ABCC4: variants seen among roughly 807,000 people sequenced by gnomAD.
ABCC4 encodes the protein ATP binding cassette subfamily C member 4 (PEL blood group).
In ABCC4, 102 loss-of-function variants were observed where a neutral mutation model predicts 168.5. The observed-to-expected ratio is 0.61, with a 90% confidence interval of 0.52 to 0.71. The LOEUF is 0.71. Among genes scored for constraint, ABCC4 ranks in the 30% least tolerant of loss-of-function variants. The pLI, the probability that ABCC4 is intolerant of heterozygous loss-of-function variation, is 0.00. For missense variants in ABCC4, 1,402 were observed against 1,605.8 expected, an observed-to-expected ratio of 0.87 and a Z score of 2.17; for synonymous variants, 617 against 590.7, an observed-to-expected ratio of 1.04 and a Z score of -0.65.
At chr13:95,167,952 C>T (rs1452979993) in intron 14 of ABCC4, among the ~76,000 whole-genome samples, 5 of 152,124 alleles carry the variant, frequency 3.3e-5, no homozygotes, top group Admixed American at 6.5e-5. Context: ...CTGCAACCTT[C>T]GCCTCCCAGG....
intron 20 of ABCC4, among the ~76,000 whole-genome samples, chr13:95,103,560 A>G (rs1240826551): frequency 6.6e-6 from 1 of 152,184 alleles, no homozygotes; most frequent in Non-Finnish European, 1.5e-5. Context: ...CAGCCTTGTG[A>G]ATGACACATG....
intron 1 of ABCC4, among the ~76,000 whole-genome samples, chr13:95,266,894 T>TC (rs1471833550): frequency 4.6e-5 from 7 of 150,908 alleles, no homozygotes; most frequent in Non-Finnish European, 8.9e-5. Context: ...TTTTTTTTTT[T>TC]TGAGACGGAG....
chr13:95,280,847 A>G (rs1366004673), intron 1 of ABCC4, among the ~76,000 whole-genome samples: 6 of 152,124 alleles, frequency 3.9e-5, no homozygotes, highest in Admixed American at 3.9e-4. Context: ...TCCACTCGAG[A>G]GAGACAGCAA....
chr13:95,149,709 T>C lies in ABCC4; in HGVS notation c.2455+11480A>G, dbSNP rs1302414548. 3.9e-5 allele frequency among the ~76,000 whole-genome samples: 6 copies of C among 152,182 alleles called. No individual in the cohort carries two copies. The East Asian group carries it at 1.2e-3, about 29-fold the overall frequency. On this transcript the variant is annotated intron_variant, in intron 19 of 30. Transcript: ENST00000645237. Reference sequence around the variant, plus strand: ...TGGAATTGTATGTGGAGAAAATATATTTAAGGGTAAATCTGCTTCAACTAT... The same window carrying C: ...TGGAATTGTATGTGGAGAAAATATACTTAAGGGTAAATCTGCTTCAACTAT...
At chr13:95,204,265 A>G (rs556963898) in intron 8 of ABCC4, among the ~76,000 whole-genome samples, 1 of 152,316 alleles carries the variant, frequency 6.6e-6, no homozygotes, top group East Asian at 1.9e-4. Context: ...TTGGAATACA[A>G]CTAGATGAGT....
In ABCC4 at chr13:95,030,745, C is replaced by A. The variant is rs183252788; in HGVS notation, c.3870+3860G>T. Among the ~76,000 whole-genome samples, 4 of 152,312 alleles carry A rather than the reference C, an allele frequency of 2.6e-5. No individual in the cohort carries two copies. The East Asian group carries it at 7.7e-4, about 29-fold the overall frequency. ...TCTGCTGACACCCTGATCTCAGACT[C>A]CAGCACGGAAGTGTGAGAACATAAT... On this transcript the variant is annotated intron_variant, in intron 30 of 30. Coordinates refer to ENST00000645237, the MANE Select transcript of ABCC4 (RefSeq NM_005845.5).
intron 14 of ABCC4, 76 bp downstream of exon 14, chr13:95,170,456 T>C: frequency 4.9e-6 from 4 of 818,874 alleles, no homozygotes; most frequent in South Asian, 1.8e-5. Context: ...GAAAGGAACA[T>C]GAAATGGAGG....
chr13:95,146,168 G>A (rs1379413838), intron 19 of ABCC4, among the ~76,000 whole-genome samples: 1 of 147,166 alleles, frequency 6.8e-6, no homozygotes, highest in Non-Finnish European at 1.5e-5. Context: ...CCAAGATTGC[G>A]CCACTGCACT....
chr13:95,163,555 C>G, intron 17 of ABCC4, 55 bp downstream of exon 17: 1 of 1,468,172 alleles, frequency 6.8e-7, no homozygotes, highest in East Asian at 2.3e-5. Context: ...TATGGAAAAG[C>G]GAGTCTTCTT....
chr13:95,102,649 A>C (rs570736975), intron 20 of ABCC4, among the ~76,000 whole-genome samples: 46 of 139,174 alleles, frequency 3.3e-4, no homozygotes, highest in African/African-American at 1.2e-3. Flanking sequence ...TTTTTTTTAG[A>C]TCGAGTCTCG....
intron 14 of ABCC4, among the ~76,000 whole-genome samples, chr13:95,167,182 A>ATAAATAAG (rs2037305873): frequency 2.8e-5 from 3 of 106,836 alleles, no homozygotes; most frequent in African/African-American, 6.4e-5. Flanking sequence ...CATCTCATAA[A>ATAAATAAG]TAAATAAATA....
chr13:95,167,327 ATATCTTTAC>A (rs1370030528), intron 14 of ABCC4, among the ~76,000 whole-genome samples: 1 of 152,210 alleles, frequency 6.6e-6, no homozygotes, highest in African/African-American at 2.4e-5. Flanking sequence ...TAATGTACAA[ATATCTTTAC>A]TATTTGTGTA....
intron 20 of ABCC4, among the ~76,000 whole-genome samples, chr13:95,090,121 C>A (rs2034384193): frequency 6.6e-6 from 1 of 152,094 alleles, no homozygotes; most frequent in South Asian, 2.1e-4. Flanking sequence ...CAAGACCCAC[C>A]CAAGGAGAGT....
intron 26 of ABCC4, chr13:95,054,013 G>A (rs1427972721): frequency 2.3e-5 from 2 of 85,972 alleles, no homozygotes; most frequent in African/African-American, 9.7e-5. Flanking sequence ...ATGTCAGAAT[G>A]GGACATCCTT....
chr13:95,301,417 G>T lies in ABCC4; in HGVS notation c.-103C>A. The T allele has an allele frequency of 2.0e-6, 2 of 1,017,770 alleles. No individual in the cohort carries two copies. Among genetic ancestry groups the T allele is most frequent in the Admixed American group, 3.1e-5 (1 of 31,994 alleles). 63.0% of individuals were successfully genotyped at this position (1,017,770 alleles called of 1,614,324 possible). A position where few individuals can be genotyped will look rare whatever the true frequency, so the allele number is the denominator to read the frequency against. ...AAGCAGGGATGCTGGGGCTCCGGCC[G>T]CCACGCCTGTCCGCTCGGCTGGAGC... is the stretch of plus-strand genomic sequence containing the variant. On this transcript the variant is annotated 5_prime_UTR_variant, in exon 1 of 31. Transcript: ENST00000645237.
intron 4 of ABCC4, among the ~76,000 whole-genome samples, chr13:95,214,428 A>G (rs2039053487): frequency 6.6e-6 from 1 of 152,202 alleles, no homozygotes; most frequent in African/African-American, 2.4e-5. Flanking sequence ...ATTAATTTAC[A>G]TAATGAAGAA....
chr13:95,125,351 C>G (rs2035720477), intron 19 of ABCC4, among the ~76,000 whole-genome samples: 1 of 152,226 alleles, frequency 6.6e-6, no homozygotes, highest in African/African-American at 2.4e-5. Context: ...GCCCAGGCCT[C>G]TTCTGATAGG....
chr13:95,279,553 G>A (rs969032973), intron 1 of ABCC4, among the ~76,000 whole-genome samples: 7 of 152,158 alleles, frequency 4.6e-5, no homozygotes, highest in Non-Finnish European at 8.8e-5. Context: ...GAATGACAGC[G>A]CTGAAATAAG....
At chr13:95,185,751 C>A (rs1029547490) in intron 11 of ABCC4, among the ~76,000 whole-genome samples, 3 of 151,882 alleles carry the variant, frequency 2.0e-5, no homozygotes, top group African/African-American at 7.3e-5. Context: ...AACTTATAGC[C>A]CTCTATTAAG....
Sources: allele counts gnomAD v4.1 joint callset (sites outside exome capture counted in the v4.1 genomes callset), GRCh38; gene constraint gnomAD v4.1.1; transcripts MANE v1.5; gene names NCBI Gene and HGNC (gene_info 2026-07-23, HGNC 2026-07-21).